ZNF385D: variants seen among roughly 807,000 people sequenced by gnomAD.
ZNF385D encodes the protein zinc finger protein 659.
ZNF385D carries 15 observed loss-of-function variants against 35.8 expected under a neutral mutation model. That is an observed-to-expected ratio of 0.42 (90% CI 0.28 to 0.64). The LOEUF (loss-of-function observed/expected upper bound fraction) is 0.64, where lower values mean the gene tolerates loss of function less well. ZNF385D is among the 30% of genes least tolerant of loss of function. ZNF385D has a pLI of 0.23. For missense variants in ZNF385D, 474 were observed against 494.6 expected (o/e 0.96, Z 0.39); for synonymous variants, 212 against 186.8 (o/e 1.13, Z -1.10).
intron 3 of ZNF385D, among the ~76,000 whole-genome samples, chr3:21,990,172 T>C (rs1273492119): frequency 2.0e-5 from 3 of 152,228 alleles, no homozygotes; most frequent in Non-Finnish European, 4.4e-5. Flanking sequence ...ATGCTTATTT[T>C]CTTTGAAAAG....
At chr3:21,963,428 T>C (rs1702708416) in intron 3 of ZNF385D, among the ~76,000 whole-genome samples, 1 of 152,074 alleles carries the variant, frequency 6.6e-6, no homozygotes, top group African/African-American at 2.4e-5. Flanking sequence ...GGGGAAAGAG[T>C]TCGCATCTTA....
intron 1 of ZNF385D, among the ~76,000 whole-genome samples, chr3:21,722,532 T>G (rs1451072636): frequency 2.0e-5 from 3 of 152,182 alleles, no homozygotes; most frequent in Admixed American, 1.3e-4. Context: ...AGTTGCAAGT[T>G]GGTTGTGCTC....
intron 7 of ZNF385D, among the ~76,000 whole-genome samples, chr3:21,423,723 T>C (rs1700852026): frequency 6.6e-6 from 1 of 152,198 alleles, no homozygotes; most frequent in South Asian, 2.1e-4. Flanking sequence ...ATTTGTTTTT[T>C]CCTGACCTTC....
chr3:21,912,385 G>A (rs1420277540), intron 3 of ZNF385D, among the ~76,000 whole-genome samples: 1 of 151,990 alleles, frequency 6.6e-6, no homozygotes, highest in East Asian at 1.9e-4. Flanking sequence ...CAAGTTTTAA[G>A]AGGGTAATCT....
intron 2 of ZNF385D, among the ~76,000 whole-genome samples, chr3:21,642,482 C>T (rs1314344838): frequency 2.0e-5 from 3 of 151,954 alleles, no homozygotes; most frequent in Non-Finnish European, 4.4e-5. Context: ...AGGCAATGTC[C>T]TTCCATAGCA....
At chr3:21,665,689 T>C (rs1400995552) in intron 1 of ZNF385D, among the ~76,000 whole-genome samples, 2 of 152,144 alleles carry the variant, frequency 1.3e-5, no homozygotes, top group Admixed American at 1.3e-4. Flanking sequence ...ATGGCCACTG[T>C]TGAGCAGGCA....
chr3:21,686,574 AAAT>A (rs1575461384), intron 1 of ZNF385D, among the ~76,000 whole-genome samples: 2 of 152,340 alleles, frequency 1.3e-5, no homozygotes, highest in African/African-American at 2.4e-5. Flanking sequence ...AAATAAAGGC[AAAT>A]AATAATAAAG....
chr3:22,051,204 T>A (rs1699324768), intron 3 of ZNF385D, among the ~76,000 whole-genome samples: 1 of 6,016 alleles, frequency 1.7e-4, no homozygotes, highest in African/African-American at 6.3e-4. Context: ...CATAAATATT[T>A]AGGATAGTTA....
intron 3 of ZNF385D, among the ~76,000 whole-genome samples, chr3:22,060,364 T>C: frequency 6.6e-6 from 1 of 152,216 alleles, no homozygotes; most frequent in Admixed American, 6.6e-5. Flanking sequence ...GAAAAATTAA[T>C]GTTTAACACT....
At chr3:22,272,147 A>G (rs1701210185) in intron 2 of ZNF385D, among the ~76,000 whole-genome samples, 1 of 152,032 alleles carries the variant, frequency 6.6e-6, no homozygotes, top group Non-Finnish European at 1.5e-5. Context: ...ACTCAAGATA[A>G]TTTCCCAAAA....
chr3:21,990,622 T>A (rs533290165), intron 3 of ZNF385D, among the ~76,000 whole-genome samples: 3 of 152,222 alleles, frequency 2.0e-5, no homozygotes, highest in African/African-American at 7.2e-5. Context: ...CTCTAAATAA[T>A]AACTCTATCT....
upstream of ZNF385D, among the ~76,000 whole-genome samples, chr3:21,752,664 G>A (rs1446938325): frequency 6.6e-6 from 1 of 151,954 alleles, no homozygotes; most frequent in African/African-American, 2.4e-5. Flanking sequence ...ACATCACAGT[G>A]AATCTTAAGA....
chr3:21,812,777 T>C (rs1038838660), intron 3 of ZNF385D, among the ~76,000 whole-genome samples: 11 of 152,214 alleles, frequency 7.2e-5, no homozygotes, highest in African/African-American at 2.4e-4. Context: ...GGGCAGGGAA[T>C]AGCTGAACAA....
chr3:21,946,522 T>C (rs1380981419), intron 3 of ZNF385D, among the ~76,000 whole-genome samples: 1 of 152,138 alleles, frequency 6.6e-6, no homozygotes, highest in Non-Finnish European at 1.5e-5. Context: ...TGTTTTCATG[T>C]AACACTATGT....
chr3:21,428,180 G>C (rs1353806899), intron 5 of ZNF385D, among the ~76,000 whole-genome samples: 1 of 152,094 alleles, frequency 6.6e-6, no homozygotes, highest in African/African-American at 2.4e-5. Flanking sequence ...AAATGTATGA[G>C]ATAAAATGTG....
chr3:22,247,528 T>A (rs1699847764), intron 2 of ZNF385D, among the ~76,000 whole-genome samples: 1 of 152,098 alleles, frequency 6.6e-6, no homozygotes, highest in Non-Finnish European at 1.5e-5. Flanking sequence ...TACGGTATAA[T>A]TTCTTGAAAA....
intron 4 of ZNF385D, among the ~76,000 whole-genome samples, chr3:21,499,612 G>A (rs1706213973): frequency 6.7e-6 from 1 of 149,960 alleles, no homozygotes; most frequent in South Asian, 2.1e-4. Flanking sequence ...ACCTTCAAAT[G>A]CACCACTAAA....
chr3:21,926,061 C>T (rs1423895575), intron 3 of ZNF385D, among the ~76,000 whole-genome samples: 1 of 152,036 alleles, frequency 6.6e-6, no homozygotes. Context: ...ACTCTGAAAA[C>T]TTTTGGAAAT....
chr3:21,524,972 CTGAT>C (rs10561573), intron 3 of ZNF385D, among the ~76,000 whole-genome samples: 13,885 of 152,082 alleles, frequency 0.091, 1,346 homozygotes, highest in African/African-American at 0.24. Context: ...CTTTTTCTCT[CTGAT>C]AAATATAGGG....
Sources: gnomAD v4.1 joint callset for allele counts (sites outside exome capture counted in the v4.1 genomes callset) on GRCh38, gnomAD v4.1.1 for gene constraint, MANE v1.5 for transcripts, NCBI Gene and HGNC (gene_info 2026-07-23, HGNC 2026-07-21) for gene names.